The following GALNT13 variants were observed in gnomAD, a reference collection of about 807,000 sequenced individuals.
GALNT13 encodes the protein polypeptide N-acetylgalactosaminyltransferase 13.
GALNT13 carries 28 observed loss-of-function variants against 64.2 expected under a neutral mutation model. That is an observed-to-expected ratio of 0.44 (90% CI 0.32 to 0.60). GALNT13 has a LOEUF of 0.60. Ranked by LOEUF, GALNT13 falls within the 20% of genes least tolerant of loss-of-function variation. GALNT13 has a pLI of 0.05. For missense variants in GALNT13, 577 were observed against 669.8 expected (o/e 0.86, Z 1.53); for synonymous variants, 214 against 224.6 (o/e 0.95, Z 0.42).
the GALNT13 span, among the ~76,000 whole-genome samples, chr2:153,298,306 A>G: frequency 6.6e-6 from 1 of 152,318 alleles, no homozygotes; most frequent in Admixed American, 6.5e-5. Context: ...TCAAAGACAG[A>G]TGTACATATC....
the GALNT13 span, among the ~76,000 whole-genome samples, chr2:153,783,086 A>T: frequency 1.3e-5 from 2 of 152,220 alleles, no homozygotes; most frequent in Admixed American, 1.3e-4. Context: ...GTAGAAGTGA[A>T]TTCATCCAAA....
intron 3 of GALNT13, among the ~76,000 whole-genome samples, chr2:153,955,310 G>A (rs111674716): frequency 1.6e-3 from 241 of 152,254 alleles, no homozygotes; most frequent in Non-Finnish European, 2.3e-3. Context: ...ACAGAAAGTG[G>A]TACCTGCTGT....
rs34134880 is a variant in GALNT13 at position 154,138,573 on chromosome 2, TAAA to T, written c.143-1750_143-1748del. 7.2e-5 allele frequency among the ~76,000 whole-genome samples: 10 copies of T among 138,224 alleles called. No individual in the cohort carries two copies. The South Asian group carries it at 9.2e-4, about 13-fold the overall frequency. 90.7% of individuals were successfully genotyped at this position (138,224 alleles called of 152,430 possible). On this transcript the variant is annotated intron_variant, in intron 3 of 12. Coordinates refer to ENST00000392825, the MANE Select transcript of GALNT13 (RefSeq NM_052917.4). ...ATTAAAGTTACAGTCCAAGATATGT[TAAA>T]AAAAAAAAAAAAACCTAAACTGAAT...
At chr2:154,306,145 A>T (rs536960934) in intron 9 of GALNT13, among the ~76,000 whole-genome samples, 2 of 151,660 alleles carry the variant, frequency 1.3e-5, no homozygotes, top group Non-Finnish European at 2.9e-5. Context: ...AATCTCTTTT[A>T]TTATTATTAT....
Position 154,151,461 on chromosome 2 carries a change from C to T in GALNT13, c.311+10956C>T, listed in dbSNP as rs539009652. ...TCTATTAGGTCCGCTTGGTGCAGAG[C>T]TGAGTTCAATTCCTGGGTATCCTTG... On this transcript the variant is annotated intron_variant, in intron 4 of 12. Coordinates refer to ENST00000392825, the MANE Select transcript of GALNT13 (RefSeq NM_052917.4). 4.5e-3 allele frequency among the ~76,000 whole-genome samples: 680 copies of T among 152,234 alleles called. 8 individuals carry two copies. Among genetic ancestry groups the T allele is most frequent in the African/African-American group, 0.015 (638 of 41,548 alleles).
the GALNT13 span, among the ~76,000 whole-genome samples, chr2:153,206,441 T>C: frequency 6.6e-6 from 1 of 152,126 alleles, no homozygotes; most frequent in South Asian, 2.1e-4. Flanking sequence ...GGATATATTA[T>C]AATTGTACAT....
intron 8 of GALNT13, chr2:154,286,514 C>T (rs967069265): frequency 6.4e-6 from 1 of 155,542 alleles, no homozygotes; most frequent in Non-Finnish European, 1.4e-5. Flanking sequence ...AAAAGATACC[C>T]CTAAGTAGAA....
At chr2:153,116,541 T>C in the GALNT13 span, among the ~76,000 whole-genome samples, 4 of 152,282 alleles carry the variant, frequency 2.6e-5, no homozygotes, top group East Asian at 3.9e-4. Flanking sequence ...AACTTACTTA[T>C]ATACCTTAAT....
the GALNT13 span, among the ~76,000 whole-genome samples, chr2:153,755,198 G>C: frequency 0.012 from 1,857 of 152,218 alleles, 49 homozygotes; most frequent in African/African-American, 0.042. Context: ...CTGTTCGTTT[G>C]TGTTTGTTTG....
intron 2 of GALNT13, among the ~76,000 whole-genome samples, chr2:153,909,952 T>C (rs527478172): frequency 6.6e-6 from 1 of 152,238 alleles, no homozygotes; most frequent in South Asian, 2.1e-4. Flanking sequence ...ATAGAATGAG[T>C]TGGGGAGGAG....
chr2:153,989,863 A>C (rs1339496510), intron 3 of GALNT13, among the ~76,000 whole-genome samples: 1 of 152,094 alleles, frequency 6.6e-6, no homozygotes, highest in African/African-American at 2.4e-5. Flanking sequence ...GGTATAGAAA[A>C]GTCCAGAGGT....
chr2:153,165,165 T>A, the GALNT13 span, among the ~76,000 whole-genome samples: 1 of 152,222 alleles, frequency 6.6e-6, no homozygotes, highest in African/African-American at 2.4e-5. Flanking sequence ...TGAGGTCATA[T>A]TGTCATTGGT....
the GALNT13 span, among the ~76,000 whole-genome samples, chr2:153,096,029 A>G: frequency 0.1 from 14,609 of 141,608 alleles, 780 homozygotes; most frequent in Non-Finnish European, 0.13. Context: ...CTTAAAGTAT[A>G]ATAAAATAAG....
the GALNT13 span, among the ~76,000 whole-genome samples, chr2:153,260,194 G>A: frequency 3.9e-5 from 6 of 152,110 alleles, no homozygotes; most frequent in Admixed American, 1.3e-4. Context: ...TAGTATTTTA[G>A]ATATGTTCAT....
chr2:154,051,517 C>G (rs1225941748), intron 3 of GALNT13, among the ~76,000 whole-genome samples: 2 of 151,708 alleles, frequency 1.3e-5, no homozygotes, highest in African/African-American at 4.8e-5. Context: ...GTCTCGATCT[C>G]CTGACCTCAT....
At chr2:153,509,245 T>C in the GALNT13 span, among the ~76,000 whole-genome samples, 2 of 152,164 alleles carry the variant, frequency 1.3e-5, no homozygotes, top group African/African-American at 4.8e-5. Flanking sequence ...GCTGCCTCAG[T>C]CAGCAGCCAT....
chr2:153,547,110 G>C, the GALNT13 span, among the ~76,000 whole-genome samples: 1 of 152,126 alleles, frequency 6.6e-6, no homozygotes, highest in Non-Finnish European at 1.5e-5. Context: ...AGAATTTCCT[G>C]CACTATTAGT....
At chr2:154,056,464 C>T (rs964513588) in intron 3 of GALNT13, among the ~76,000 whole-genome samples, 6 of 152,128 alleles carry the variant, frequency 3.9e-5, no homozygotes, top group African/African-American at 1.4e-4. Flanking sequence ...ATGATAACTT[C>T]AGACTCATAG....
the GALNT13 span, among the ~76,000 whole-genome samples, chr2:153,459,152 T>A: frequency 3.3e-5 from 5 of 152,118 alleles, no homozygotes; most frequent in African/African-American, 1.2e-4. Context: ...CTTCTCTAGA[T>A]GTTTAAAAAA....
Sources: allele counts gnomAD v4.1 joint callset (sites outside exome capture counted in the v4.1 genomes callset), GRCh38; gene constraint gnomAD v4.1.1; transcripts MANE v1.5; gene names NCBI Gene and HGNC (gene_info 2026-07-23, HGNC 2026-07-21).